Variants in ELP4 observed in about 807,000 individuals in gnomAD.
ELP4 encodes elongator complex protein 4.
ELP4 carries 51 observed loss-of-function variants against 48.9 expected under a neutral mutation model. The ratio of observed to expected loss-of-function variants is 1.04; its 90% confidence interval spans 0.83 to 1.32. The LOEUF (loss-of-function observed/expected upper bound fraction) is 1.32, where lower values mean the gene tolerates loss of function less well. ELP4 is among the 40% of genes most tolerant of loss of function. ELP4 has a pLI of 0.00. For synonymous variants in ELP4, 210 were observed against 189.2 expected, an observed-to-expected ratio of 1.11 and a Z score of -0.90; for missense variants, 519 against 514.6, an observed-to-expected ratio of 1.01 and a Z score of -0.08.
At chr11:31,734,107 G>C (rs78906443) in intron 9 of ELP4, among the ~76,000 whole-genome samples, 1 of 152,144 alleles carries the variant, frequency 6.6e-6, no homozygotes, top group Non-Finnish European at 1.5e-5. Context: ...CAGATTGAGG[G>C]ATGAAAAAGC....
intron 5 of ELP4, among the ~76,000 whole-genome samples, chr11:31,615,878 A>C (rs1472551931): frequency 6.6e-6 from 1 of 152,106 alleles, no homozygotes; most frequent in Non-Finnish European, 1.5e-5. Flanking sequence ...TCCATCCTGC[A>C]ACTGGAGTGT....
chr11:31,785,092 G>A lies in ELP4; in HGVS notation c.*1568G>A, dbSNP rs188417347. ...TTGATCTGTCAGTTAAAATTAAAGG[G>A]CTTTATATTAAGCAAAGGTGCTTTT... On this transcript the variant is annotated 3_prime_UTR_variant, in exon 10 of 10. Transcript: ENST00000640961. 119 of 181,264 alleles carry A rather than the reference G, an allele frequency of 6.6e-4. No homozygotes were observed. Among genetic ancestry groups the A allele is most frequent in the African/African-American group, 2.8e-3 (117 of 42,450 alleles). 11.2% of individuals were successfully genotyped at this position (181,264 alleles called of 1,614,324 possible). A position where few individuals can be genotyped will look rare whatever the true frequency, so the allele number is the denominator to read the frequency against.
chr11:31,777,010 TGA>T (rs1948262662), intron 9 of ELP4, among the ~76,000 whole-genome samples: 1 of 152,130 alleles, frequency 6.6e-6, no homozygotes, highest in South Asian at 2.1e-4. Flanking sequence ...TATTCATATA[TGA>T]CAATAATGCA....
intron 3 of ELP4, among the ~76,000 whole-genome samples, chr11:31,541,241 A>G (rs1211523463): frequency 6.6e-6 from 1 of 152,240 alleles, no homozygotes; most frequent in Non-Finnish European, 1.5e-5. Context: ...CATATGATTC[A>G]GACTTTGCTT....
At chr11:31,565,035 C>T (rs1019102983) in intron 3 of ELP4, among the ~76,000 whole-genome samples, 1 of 152,286 alleles carries the variant, frequency 6.6e-6, no homozygotes, top group South Asian at 2.1e-4. Context: ...CTCTCCAGCA[C>T]CTGTTATTTC....
intron 9 of ELP4, among the ~76,000 whole-genome samples, chr11:31,688,863 T>C (rs1402567432): frequency 6.6e-6 from 1 of 152,030 alleles, no homozygotes; most frequent in Non-Finnish European, 1.5e-5. Flanking sequence ...TTTGTGAGGA[T>C]TTGAGGGGGG....
chr11:31,702,313 A>T (rs550684810), intron 9 of ELP4, among the ~76,000 whole-genome samples: 8 of 40,690 alleles, frequency 2.0e-4, no homozygotes, highest in African/African-American at 7.0e-4. Context: ...TAAAAATAAT[A>T]ATAATAACAA....
chr11:31,644,872 AATAAGTTT>A (rs879318027), intron 7 of ELP4, among the ~76,000 whole-genome samples: 81 of 151,820 alleles, frequency 5.3e-4, no homozygotes, highest in Middle Eastern at 3.2e-3. Flanking sequence ...TAGAAGGTTG[AATAAGTTT>A]ATAGTAAAAA....
intron 9 of ELP4, among the ~76,000 whole-genome samples, chr11:31,700,179 CTAAT>C (rs1439093350): frequency 6.6e-6 from 1 of 151,318 alleles, no homozygotes; most frequent in East Asian, 1.9e-4. Flanking sequence ...TCAGAAAAGA[CTAAT>C]TATGGGTATA....
At chr11:31,781,561 C>T (rs536469728) in intron 9 of ELP4, among the ~76,000 whole-genome samples, 5 of 125,418 alleles carry the variant, frequency 4.0e-5, no homozygotes, top group East Asian at 5.2e-4. Flanking sequence ...TGCTGTGGCA[C>T]GATCTCGGTT....
Position 31,578,385 on chromosome 11 carries a change from G to A in ELP4, c.382-16385G>A, listed in dbSNP as rs528588535. Among the ~76,000 whole-genome samples the A allele has an allele frequency of 9.1e-4, 139 of 152,232 alleles. 1 individual carries two copies. The highest frequency in any genetic ancestry group is 1.7e-3 in the South Asian group (8 of 4,814). On this transcript the variant is annotated intron_variant, in intron 3 of 9. Transcript: ENST00000640961. ...CTGCCCAAGGTAATTTATAGATTCAGTGCCATCCCCATCAAGCTACCAATG... is the reference window on the plus strand; with the variant it reads ...CTGCCCAAGGTAATTTATAGATTCAATGCCATCCCCATCAAGCTACCAATG...
intron 2 of ELP4, among the ~76,000 whole-genome samples, chr11:31,528,016 CTCT>C (rs1956326629): frequency 6.6e-6 from 1 of 151,778 alleles, no homozygotes; most frequent in Admixed American, 6.6e-5. Context: ...TTTTATTTTC[CTCT>C]TGTTTTTGAA....
At chr11:31,574,222 G>A (rs1158714618) in intron 3 of ELP4, among the ~76,000 whole-genome samples, 1 of 152,208 alleles carries the variant, frequency 6.6e-6, no homozygotes, top group Non-Finnish European at 1.5e-5. Context: ...CTGCAAGGCA[G>A]CAGCGAGGCT....
intron 3 of ELP4, among the ~76,000 whole-genome samples, chr11:31,585,712 C>T (rs976761171): frequency 3.3e-5 from 5 of 152,218 alleles, no homozygotes; most frequent in African/African-American, 1.2e-4. Flanking sequence ...ATTAAAAGTA[C>T]AAGTTGACTT....
At chr11:31,690,110 T>C (rs1425071039) in intron 9 of ELP4, among the ~76,000 whole-genome samples, 1 of 152,180 alleles carries the variant, frequency 6.6e-6, no homozygotes, top group East Asian at 1.9e-4. Context: ...TATTAGTTGA[T>C]TTTTTCATGT....
At chr11:31,697,566 C>T (rs904403015) in intron 9 of ELP4, among the ~76,000 whole-genome samples, 2 of 152,226 alleles carry the variant, frequency 1.3e-5, no homozygotes, top group South Asian at 2.1e-4. Context: ...TGATGACATT[C>T]TGTAAATAAA....
chr11:31,697,209 TG>T (rs1408868388), intron 9 of ELP4, among the ~76,000 whole-genome samples: 2 of 152,096 alleles, frequency 1.3e-5, no homozygotes, highest in African/African-American at 2.4e-5. Flanking sequence ...CACAATAAAC[TG>T]GTTTCTTATT....
At chr11:31,548,672 G>T (rs374662194) in intron 3 of ELP4, among the ~76,000 whole-genome samples, 6 of 151,158 alleles carry the variant, frequency 4.0e-5, no homozygotes, top group African/African-American at 9.7e-5. Flanking sequence ...GAGCCCGCAT[G>T]GCCAAGTCAA....
At chr11:31,780,329 C>G (rs1404562326) in intron 9 of ELP4, among the ~76,000 whole-genome samples, 4 of 152,110 alleles carry the variant, frequency 2.6e-5, no homozygotes, top group African/African-American at 9.7e-5. Flanking sequence ...TGTTTCACAT[C>G]GCACTGACAT....
Sources: allele counts gnomAD v4.1 joint callset (sites outside exome capture counted in the v4.1 genomes callset), GRCh38; gene constraint gnomAD v4.1.1; transcripts MANE v1.5; gene names NCBI Gene and HGNC (gene_info 2026-07-23, HGNC 2026-07-21).